The following IWS1 variants were observed in gnomAD, a reference collection of about 807,000 sequenced individuals.
IWS1 encodes the protein interacts with SUPT6H, CTD assembly factor 1, also known as protein IWS1 homolog.
In IWS1, 27 loss-of-function variants were observed where a neutral mutation model predicts 86.7. The observed-to-expected ratio is 0.31, with a 90% CI of 0.23 to 0.43. The LOEUF (loss-of-function observed/expected upper bound fraction) is 0.43, where lower values mean the gene tolerates loss of function less well. Among genes scored for constraint, IWS1 ranks in the 20% least tolerant of loss-of-function variants. The pLI, the probability that IWS1 is intolerant of heterozygous loss-of-function variation, is 1.00. For missense variants in IWS1, 827 were observed against 1,000.8 expected, an observed-to-expected ratio of 0.83 and a Z score of 2.34; for synonymous variants, 313 against 335.1, an observed-to-expected ratio of 0.93 and a Z score of 0.72.
At chr2:127,515,124 T>G (rs780248857) in intron 2 of IWS1, among the ~76,000 whole-genome samples, 4 of 152,256 alleles carry the variant, frequency 2.6e-5, no homozygotes, top group Non-Finnish European at 5.9e-5. Context: ...GTTGAGTATT[T>G]GTTTCCTTTC....
chr2:127,486,473 A>G (rs1366000556), intron 13 of IWS1, 80 bp downstream of exon 13: 1 of 1,014,176 alleles, frequency 9.9e-7, no homozygotes, highest in Non-Finnish European at 1.6e-6. Context: ...AAGAGCTACA[A>G]GGGTTATTAA....
chr2:127,524,026 C>T (rs1307074147), intron 1 of IWS1, among the ~76,000 whole-genome samples: 1 of 152,226 alleles, frequency 6.6e-6, no homozygotes, highest in Non-Finnish European at 1.5e-5. Context: ...CAATTTGTAG[C>T]TTAAGAAACA....
intron 6 of IWS1, 151 bp downstream of exon 6, chr2:127,497,989 A>G: frequency 1.7e-6 from 1 of 578,754 alleles, no homozygotes. Context: ...ACAGCAGGTA[A>G]TTCACTGACA....
intron 10 of IWS1, among the ~76,000 whole-genome samples, chr2:127,491,162 T>C (rs1347123622): frequency 6.6e-6 from 1 of 152,254 alleles, no homozygotes; most frequent in Non-Finnish European, 1.5e-5. Context: ...TTGAAGACCA[T>C]TGTGCAAGTA....
chr2:127,505,149 T>A lies in IWS1; in HGVS notation c.754A>T (p.Ser252Cys), dbSNP rs1366515251. ...LPKPRISDSE[S>C]EDPPRHQASD... ...GCCTGGTGCCTCGGAGGGTCCTCAC[T>A]TTCTGAGTCACTGATACGAGGTTTG... The change falls in exon 3 of 14, where the codon AGT (serine) becomes TGT (cysteine). Residue 252 changes from serine (S) to cysteine (C), a missense_variant. Ser to Cys is a moderately radical substitution (Grantham distance 112, BLOSUM62 -1). Coordinates refer to ENST00000295321, the MANE Select transcript of IWS1 (RefSeq NM_017969.3). The surrounding 1 kb of genome is among the most constrained non-coding windows in gnomAD (Gnocchi z 5.0). 6.2e-6 allele frequency: 10 copies of A among 1,611,846 alleles called. 1 individual carries two copies. The Middle Eastern group carries it at 5.0e-4, about 80-fold the overall frequency.
chr2:127,483,237 G>C (rs953284641), intron 13 of IWS1, among the ~76,000 whole-genome samples: 1 of 152,090 alleles, frequency 6.6e-6, no homozygotes, highest in Non-Finnish European at 1.5e-5. Flanking sequence ...GTATTCCACG[G>C]AGTAAATGAA....
At chr2:127,494,171 T>C (rs1003889425) in intron 8 of IWS1, among the ~76,000 whole-genome samples, 18 of 150,334 alleles carry the variant, frequency 1.2e-4, no homozygotes, top group African/African-American at 3.4e-4. Flanking sequence ...CTTTGGGGTG[T>C]TGAGACGGGA....
At chr2:127,494,148 T>G (rs1248370551) in intron 8 of IWS1, among the ~76,000 whole-genome samples, 1 of 151,314 alleles carries the variant, frequency 6.6e-6, no homozygotes, top group Non-Finnish European at 1.5e-5. Context: ...GTAATCCCAT[T>G]CCAGTACTTT....
In IWS1 at chr2:127,491,473, C is replaced by T. The variant is rs141812447; in HGVS notation, c.2047+498G>A. Among the ~76,000 whole-genome samples the T allele has an allele frequency of 7.9e-5, 12 of 151,864 alleles. No homozygotes were observed. In the East Asian group the frequency reaches 1.7e-3, roughly 22 times the overall value. ...TTTTTTTTTTTTTGAGACGGAGTCTCGCTCTTGTTGCCCAGGCTGGAGTGC... is the reference window on the plus strand; with the variant it reads ...TTTTTTTTTTTTTGAGACGGAGTCTTGCTCTTGTTGCCCAGGCTGGAGTGC... On this transcript the variant is annotated intron_variant, in intron 10 of 13. Transcript: ENST00000295321.
chr2:127,526,410 C>G lies in IWS1; in HGVS notation c.-202G>C. 3 of 1,536,330 alleles carry G rather than the reference C, an allele frequency of 2.0e-6. No homozygotes were observed. Among genetic ancestry groups the G allele is most frequent in the East Asian group, 2.4e-5 (1 of 40,818 alleles). ...GGAAGCCCCGGCGGAAAAGGCCGTA[C>G]CCGGCAGGCTGGCGGGCGGGCAGGC... On this transcript the variant is annotated 5_prime_UTR_variant, in exon 1 of 14. Coordinates refer to ENST00000295321, the MANE Select transcript of IWS1 (RefSeq NM_017969.3).
intron 1 of IWS1, among the ~76,000 whole-genome samples, chr2:127,524,531 C>T (rs1450917876): frequency 2.6e-5 from 4 of 151,492 alleles, no homozygotes; most frequent in Admixed American, 6.6e-5. Flanking sequence ...ACATGTATTA[C>T]ATATAATTAC....
At chr2:127,511,719 C>A (rs1375710707) in intron 2 of IWS1, among the ~76,000 whole-genome samples, 1 of 152,178 alleles carries the variant, frequency 6.6e-6, no homozygotes, top group Non-Finnish European at 1.5e-5. Context: ...AGAAACCCCA[C>A]AAGCAATGCT....
Position 127,526,416 on chromosome 2 carries a change from A to C in IWS1, c.-208T>G, listed in dbSNP as rs936987358. The C allele has an allele frequency of 1.3e-6, 2 of 1,536,332 alleles. No homozygotes were observed. Among genetic ancestry groups the C allele is most frequent in the South Asian group, 2.4e-5 (2 of 83,200 alleles). ...CCCGGCGGAAAAGGCCGTACCCGGC[A>C]GGCTGGCGGGCGGGCAGGCATGCGA... is the stretch of plus-strand genomic sequence containing the variant. On this transcript the variant is annotated 5_prime_UTR_variant, in exon 1 of 14. Coordinates refer to ENST00000295321, the MANE Select transcript of IWS1 (RefSeq NM_017969.3).
At chr2:127,487,200 TAGAG>T (rs369565692) in intron 12 of IWS1, among the ~76,000 whole-genome samples, 155 of 152,328 alleles carry the variant, frequency 1.0e-3, no homozygotes, top group African/African-American at 2.8e-3. Flanking sequence ...TAAAAAATGA[TAGAG>T]AGAGAGATCC....
Position 127,489,953 on chromosome 2 carries a change from GAAAA to G in IWS1, c.2048-14_2048-11del. On this transcript the variant is annotated splice_polypyrimidine_tract_variant and intron_variant, in intron 10 of 13. Transcript: ENST00000295321. The surrounding 1 kb of genome is among the most constrained non-coding windows in gnomAD (Gnocchi z 4.8). ...GGCCTAGACCACTCATCTGTAGTAA[GAAAA>G]AAATCAATTATTTTGTCCATAAAAT... is the stretch of plus-strand genomic sequence containing the variant. The G allele has an allele frequency of 1.4e-6, 2 of 1,417,690 alleles. No homozygotes were observed. The highest frequency in any genetic ancestry group is 2.4e-5 in the South Asian group (2 of 84,614). 87.8% of individuals were successfully genotyped at this position (1,417,690 alleles called of 1,614,324 possible).
chr2:127,484,236 C>T (rs747642715), intron 13 of IWS1, among the ~76,000 whole-genome samples: 4 of 152,106 alleles, frequency 2.6e-5, no homozygotes, highest in Non-Finnish European at 5.9e-5. Flanking sequence ...GGTGTGAACC[C>T]GGGAGGCAGA....
In IWS1 at chr2:127,489,426, G is replaced by T. The variant is rs539652186; in HGVS notation, c.2160-191C>A. The T allele has an allele frequency of 9.3e-5, 53 of 571,530 alleles. No homozygotes were observed. The highest frequency in any genetic ancestry group is 5.3e-4 in the African/African-American group (28 of 52,842). The allele number at this position is 571,530 out of a possible 1,614,324, so 35.4% of individuals were successfully genotyped here. ...CATTTGCATAACAGGTTTCCTTGTG[G>T]ATGAGCCGTAATTGCCACATTTGTA... On this transcript the variant is annotated intron_variant, in intron 11 of 13. Transcript: ENST00000295321. The surrounding 1 kb of genome is among the most constrained non-coding windows in gnomAD (Gnocchi z 4.8).
Position 127,494,942 on chromosome 2 carries a change from A to G in IWS1, c.1729T>C (p.Leu577=). Residue 577 remains leucine (L), a synonymous_variant, in exon 8 of 14, where the codon TTG becomes CTG. Transcript: ENST00000295321. The stretch of plus-strand genomic sequence containing the variant: ...AGTGCTGGCTTTTTTTGATTGTTCA[A>G]CTGTCTGTCTTCCTATTCAGAAAAA... The part of the protein sequence containing the change: ...MNEAAEEDRQ[L]NNQKKPALKK... 1 of 1,595,218 alleles carries G rather than the reference A, an allele frequency of 6.3e-7. No individual in the cohort carries two copies. Among genetic ancestry groups the G allele is most frequent in the African/African-American group, 1.3e-5 (1 of 74,408 alleles).
Position 127,481,086 on chromosome 2 carries a change from G to A in IWS1, c.2418C>T (p.His806=), listed in dbSNP as rs1383885167. The change falls in exon 14 of 14, where the codon CAC becomes CAT. Residue 806 remains histidine, a synonymous_variant. Transcript: ENST00000295321. ...TGCCCTCAATGCTGATTTTCACTGC[G>A]TGTGCAGATCTGCTTTTTTTCCTTA... ...TDIRKKSRSA[H]AVKISIEGNK... The A allele has an allele frequency of 1.6e-5, 26 of 1,611,994 alleles. No homozygotes were observed. Among genetic ancestry groups the A allele is most frequent in the Admixed American group, 3.4e-5 (2 of 59,640 alleles).
Sources: allele counts gnomAD v4.1 joint callset (sites outside exome capture counted in the v4.1 genomes callset), GRCh38; gene constraint gnomAD v4.1.1; non-coding constraint Gnocchi (gnomAD v3.1); transcripts MANE v1.5; gene names NCBI Gene and HGNC (gene_info 2026-07-23, HGNC 2026-07-21).